The following PDE4B variants were observed in gnomAD, a reference collection of about 807,000 sequenced individuals.
PDE4B encodes the protein 3',5'-cyclic-AMP phosphodiesterase 4B.
PDE4B carries 20 observed loss-of-function variants against 82.2 expected under a neutral mutation model. The ratio of observed to expected loss-of-function variants is 0.24; its 90% CI spans 0.17 to 0.35. The LOEUF (loss-of-function observed/expected upper bound fraction) is 0.35. Ranked by LOEUF, PDE4B falls within the 10% of genes least tolerant of loss-of-function variation. PDE4B has a pLI of 1.00. For missense variants in PDE4B, 655 were observed against 907.2 expected (o/e 0.72, Z 3.57); for synonymous variants, 320 against 318.9 (o/e 1.00, Z -0.04).
At chr1:65,977,467 T>A (rs1650469506) in intron 3 of PDE4B, among the ~76,000 whole-genome samples, 1 of 152,214 alleles carries the variant, frequency 6.6e-6, no homozygotes, top group Admixed American at 6.5e-5. Context: ...GTTTTCCCAA[T>A]AATAAAGCCT....
intron 1 of PDE4B, among the ~76,000 whole-genome samples, chr1:65,858,922 T>C (rs972540307): frequency 6.6e-6 from 1 of 152,154 alleles, no homozygotes; most frequent in Non-Finnish European, 1.5e-5. Context: ...TTAAGAGAGA[T>C]GGGAAGAGGG....
chr1:66,038,412 A>G (rs1020950862), intron 3 of PDE4B, among the ~76,000 whole-genome samples: 2 of 152,136 alleles, frequency 1.3e-5, no homozygotes, highest in African/African-American at 4.8e-5. Flanking sequence ...AGAGATTTCC[A>G]TGATGAAATG....
At chr1:65,829,651 T>C (rs750195247) in intron 1 of PDE4B, among the ~76,000 whole-genome samples, 1 of 152,170 alleles carries the variant, frequency 6.6e-6, no homozygotes, top group Admixed American at 6.5e-5. Context: ...AAAAGATCTA[T>C]TGAAAATCCT....
chr1:66,090,966 C>A (rs1233546121), intron 3 of PDE4B, among the ~76,000 whole-genome samples: 1 of 151,872 alleles, frequency 6.6e-6, no homozygotes, highest in East Asian at 1.9e-4. Context: ...TGTCACCACA[C>A]CCCTTTCCCT....
intron 2 of PDE4B, among the ~76,000 whole-genome samples, chr1:65,914,111 C>T (rs550092555): frequency 2.0e-5 from 3 of 152,094 alleles, no homozygotes; most frequent in Admixed American, 1.3e-4. Context: ...AATTATGTGC[C>T]GCTGATCAGA....
intron 2 of PDE4B, among the ~76,000 whole-genome samples, chr1:65,914,308 C>T (rs1270262650): frequency 6.6e-6 from 1 of 152,114 alleles, no homozygotes; most frequent in Non-Finnish European, 1.5e-5. Context: ...TTCTGTGTTC[C>T]TGTAGGACCC....
intron 3 of PDE4B, among the ~76,000 whole-genome samples, chr1:66,191,391 A>G (rs569662327): frequency 1.1e-4 from 16 of 152,306 alleles, no homozygotes; most frequent in African/African-American, 3.1e-4. Context: ...TATTTCTCCT[A>G]TACATTCACA....
At chr1:66,319,649 G>T (rs538246974) in intron 7 of PDE4B, among the ~76,000 whole-genome samples, 73 of 152,282 alleles carry the variant, frequency 4.8e-4, no homozygotes, top group Admixed American at 1.7e-3. Flanking sequence ...GGGATTTGAG[G>T]TGAAGCCTGT....
chr1:66,284,993 T>C (rs933928660), intron 7 of PDE4B, among the ~76,000 whole-genome samples: 7 of 152,140 alleles, frequency 4.6e-5, no homozygotes, highest in Admixed American at 6.5e-5. Flanking sequence ...GATTGATGAA[T>C]TGGGATTACT....
chr1:66,259,813 G>T (rs551845690), intron 6 of PDE4B, among the ~76,000 whole-genome samples: 1 of 152,276 alleles, frequency 6.6e-6, no homozygotes, highest in Admixed American at 6.5e-5. Context: ...CAATTATTTA[G>T]AAAATTATAT....
chr1:66,307,267 G>A (rs1481320133), intron 7 of PDE4B, among the ~76,000 whole-genome samples: 4 of 152,106 alleles, frequency 2.6e-5, no homozygotes, highest in Non-Finnish European at 4.4e-5. Flanking sequence ...GGTTGTTGTT[G>A]GATAGGAGAA....
intron 6 of PDE4B, among the ~76,000 whole-genome samples, chr1:66,259,428 C>G (rs965704036): frequency 6.6e-6 from 1 of 152,174 alleles, no homozygotes; most frequent in Non-Finnish European, 1.5e-5. Context: ...TCTGCATACT[C>G]TCTTCTCTAT....
At chr1:66,309,961 TG>T (rs1658552714) in intron 7 of PDE4B, among the ~76,000 whole-genome samples, 1 of 152,112 alleles carries the variant, frequency 6.6e-6, no homozygotes, top group South Asian at 2.1e-4. Context: ...CCCACTGTTT[TG>T]TTACTTCATT....
chr1:65,852,144 A>G (rs1168100834), intron 1 of PDE4B, among the ~76,000 whole-genome samples: 1 of 151,848 alleles, frequency 6.6e-6, no homozygotes, highest in Non-Finnish European at 1.5e-5. Flanking sequence ...TTTTATATCT[A>G]TTTTCATGAA....
chr1:65,866,203 T>C (rs1052027752), intron 1 of PDE4B, among the ~76,000 whole-genome samples: 1 of 152,200 alleles, frequency 6.6e-6, no homozygotes, highest in Admixed American at 6.5e-5. Flanking sequence ...CTTAGTTTTA[T>C]GGTTATATGG....
chr1:66,100,176 C>T (rs1391883886), intron 3 of PDE4B, among the ~76,000 whole-genome samples: 1 of 152,056 alleles, frequency 6.6e-6, no homozygotes. Flanking sequence ...TCCTCAGCCT[C>T]CCAAGTAACT....
chr1:66,171,141 G>A (rs1646829143), intron 3 of PDE4B, among the ~76,000 whole-genome samples: 3 of 152,032 alleles, frequency 2.0e-5, no homozygotes, highest in African/African-American at 7.2e-5. Context: ...TCATAAATCA[G>A]TCCACAATTT....
intron 1 of PDE4B, among the ~76,000 whole-genome samples, chr1:65,834,461 AC>A (rs936343854): frequency 7.9e-5 from 12 of 152,306 alleles, no homozygotes; most frequent in Middle Eastern, 3.4e-3. Context: ...AAGTTTTTAT[AC>A]CTTATATGAA....
intron 4 of PDE4B, among the ~76,000 whole-genome samples, chr1:66,255,111 T>C (rs1654106946): frequency 6.6e-6 from 1 of 151,846 alleles, no homozygotes; most frequent in African/African-American, 2.4e-5. Context: ...TGAGACAAAG[T>C]GTCACTCTTA....
Sources: allele counts gnomAD v4.1 joint callset (sites outside exome capture counted in the v4.1 genomes callset), GRCh38; gene constraint gnomAD v4.1.1; transcripts MANE v1.5; gene names NCBI Gene and HGNC (gene_info 2026-07-23, HGNC 2026-07-21).